Variants in P4HA1 observed in about 807,000 individuals in gnomAD.
P4HA1 encodes prolyl 4-hydroxylase subunit alpha 1.
In P4HA1, 24 loss-of-function variants were observed where a neutral mutation model predicts 72.8. The ratio of observed to expected loss-of-function variants is 0.33; its 90% confidence interval spans 0.24 to 0.46. P4HA1 has a LOEUF of 0.46. Ranked by LOEUF, P4HA1 falls within the 20% of genes least tolerant of loss-of-function variation. The probability of loss-of-function intolerance (pLI) is 1.00; values close to 1 mark genes in which losing one functional copy is unlikely to be tolerated. For synonymous variants in P4HA1, 201 were observed against 218.8 expected, an observed-to-expected ratio of 0.92 and a Z score of 0.72; for missense variants, 446 against 640.6, an observed-to-expected ratio of 0.70 and a Z score of 3.28.
chr10:73,082,011 G>A (rs897444130), intron 1 of P4HA1, among the ~76,000 whole-genome samples: 10 of 152,150 alleles, frequency 6.6e-5, no homozygotes, highest in South Asian at 4.1e-4. Context: ...GCGAGACTCC[G>A]TCTCAAAACA....
chr10:73,076,091 A>G (rs1042565296), intron 1 of P4HA1, among the ~76,000 whole-genome samples: 1 of 152,098 alleles, frequency 6.6e-6, no homozygotes, highest in Non-Finnish European at 1.5e-5. Flanking sequence ...ACATGAATAA[A>G]TAAAATAAAA....
intron 13 of P4HA1, among the ~76,000 whole-genome samples, chr10:73,010,320 T>C (rs764240402): frequency 6.6e-6 from 1 of 152,176 alleles, no homozygotes; most frequent in Non-Finnish European, 1.5e-5. Flanking sequence ...TATAGCAGTA[T>C]TTTATTTTCC....
At chr10:73,029,480 T>C (rs1840380713) in intron 10 of P4HA1, among the ~76,000 whole-genome samples, 1 of 150,730 alleles carries the variant, frequency 6.6e-6, no homozygotes, top group Admixed American at 6.6e-5. Context: ...GTTTTTTTAG[T>C]GCACATTTTG....
intron 1 of P4HA1, among the ~76,000 whole-genome samples, chr10:73,096,436 AAC>A (rs1333428864): frequency 6.6e-6 from 1 of 151,492 alleles, no homozygotes. Flanking sequence ...AAAAAAAAGC[AAC>A]AGAGTGATTC....
intron 9 of P4HA1, 46 bp from the exon 10 acceptor site, chr10:73,030,416 A>T (rs1487741595): frequency 1.0e-6 from 1 of 953,762 alleles, no homozygotes; most frequent in African/African-American, 1.6e-5. Context: ...GTTTCATTAC[A>T]TGGAGACTAA....
chr10:73,037,563 ATATATATAT>A (rs1366633891), intron 9 of P4HA1, among the ~76,000 whole-genome samples: 113 of 32,540 alleles, frequency 3.5e-3, no homozygotes, highest in East Asian at 0.014. Flanking sequence ...ATATATATAT[ATATATATAT>A]TTTTTTTTTT....
chr10:73,038,687 C>T lies in P4HA1; in HGVS notation c.1148+6294G>A, dbSNP rs1005319693. Among the ~76,000 whole-genome samples, 12 of 93,990 alleles carry T rather than the reference C, an allele frequency of 1.3e-4. 1 individual carries two copies. Among genetic ancestry groups the T allele is most frequent in the African/African-American group, 7.7e-4 (11 of 14,280 alleles). 61.7% of individuals were successfully genotyped at this position (93,990 alleles called of 152,430 possible). A position where few individuals can be genotyped will look rare whatever the true frequency, so the allele number is the denominator to read the frequency against. On this transcript the variant is annotated intron_variant, in intron 9 of 14. Coordinates refer to ENST00000394890, the MANE Select transcript of P4HA1 (RefSeq NM_001017962.3). ...TGTCGCCCAGGCTGGAGTGCAGTGG[C>T]GGGATCTCGGCTCACTGCAAGCTCC...
At position 73,047,063 on chromosome 10, in the gene P4HA1, A is replaced by G; in HGVS notation, c.939T>C (p.His313=). 1 of 1,613,854 alleles carries G rather than the reference A, an allele frequency of 6.2e-7. No individual in the cohort carries two copies. Among genetic ancestry groups the G allele is most frequent in the South Asian group, 1.1e-5 (1 of 91,068 alleles). ...RRQKKLFCRY[H]DGNRNPKFIL... is the part of the protein sequence containing the mutation. ...TAAATTTAGGATTACGGTTTCCATC[A>G]TGGTAGCGGCAAAAGAGTTTTTTCT... Residue 313 remains histidine (H), a synonymous_variant, in exon 8 of 15, where the codon CAT becomes CAC. Coordinates refer to ENST00000394890, the MANE Select transcript of P4HA1 (RefSeq NM_001017962.3).
intron 12 of P4HA1, among the ~76,000 whole-genome samples, chr10:73,011,852 T>C (rs891003911): frequency 6.6e-6 from 1 of 152,090 alleles, no homozygotes; most frequent in African/African-American, 2.4e-5. Flanking sequence ...CAGGATATGA[T>C]CTTAGTATGA....
At chr10:73,015,435 A>C (rs1156859407) in intron 11 of P4HA1, among the ~76,000 whole-genome samples, 1 of 152,204 alleles carries the variant, frequency 6.6e-6, no homozygotes, top group Non-Finnish European at 1.5e-5. Context: ...TCTGAAGTTC[A>C]AAACTTTTAG....
intron 4 of P4HA1, among the ~76,000 whole-genome samples, chr10:73,069,803 A>ACTGTTTTG (rs1250433635): frequency 6.7e-6 from 1 of 148,330 alleles, no homozygotes; most frequent in East Asian, 1.9e-4. Flanking sequence ...CTTATAATCA[A>ACTGTTTTG]CTGTTTTGTT....
At chr10:73,025,400 T>C (rs1840242276) in intron 10 of P4HA1, among the ~76,000 whole-genome samples, 1 of 152,168 alleles carries the variant, frequency 6.6e-6, no homozygotes, top group African/African-American at 2.4e-5. Context: ...GAAAAGGCCT[T>C]TGACAAAATT....
At chr10:73,052,270 GTAAC>G (rs762035398) in intron 6 of P4HA1, among the ~76,000 whole-genome samples, 4 of 151,780 alleles carry the variant, frequency 2.6e-5, no homozygotes, top group Admixed American at 6.6e-5. Context: ...ACTTGTGACA[GTAAC>G]TAAGTGTTTA....
chr10:73,025,012 G>T (rs957812123), intron 10 of P4HA1, among the ~76,000 whole-genome samples: 1 of 152,156 alleles, frequency 6.6e-6, no homozygotes, highest in African/African-American at 2.4e-5. Context: ...ACTAAAAAAA[G>T]TTCAGGACCA....
At chr10:73,061,626 G>A (rs1045587847) in intron 5 of P4HA1, among the ~76,000 whole-genome samples, 2 of 152,038 alleles carry the variant, frequency 1.3e-5, no homozygotes, top group African/African-American at 2.4e-5. Context: ...CCAGCTGGGC[G>A]CAGGTGACTT....
intron 1 of P4HA1, among the ~76,000 whole-genome samples, chr10:73,090,181 G>A (rs1034093404): frequency 1.3e-5 from 2 of 151,828 alleles, no homozygotes; most frequent in African/African-American, 2.4e-5. Context: ...CACCAGGCTG[G>A]AGTACAGTAG....
intron 8 of P4HA1, among the ~76,000 whole-genome samples, chr10:73,045,775 T>C (rs569051437): frequency 2.3e-4 from 35 of 152,010 alleles, no homozygotes; most frequent in African/African-American, 8.4e-4. Context: ...AGAATATAAC[T>C]TGATCTCCAA....
At chr10:73,079,096 G>A (rs1171872586) in intron 1 of P4HA1, among the ~76,000 whole-genome samples, 1 of 152,172 alleles carries the variant, frequency 6.6e-6, no homozygotes, top group Non-Finnish European at 1.5e-5. Flanking sequence ...AATAATATAA[G>A]GTTTTGAGCA....
At chr10:73,051,470 C>T (rs1021861841) in intron 6 of P4HA1, among the ~76,000 whole-genome samples, 1 of 152,122 alleles carries the variant, frequency 6.6e-6, no homozygotes, top group Non-Finnish European at 1.5e-5. Context: ...TATATAAAAA[C>T]AGTTCTGGGC....
Sources: gnomAD v4.1 joint callset for allele counts (sites outside exome capture counted in the v4.1 genomes callset) on GRCh38, gnomAD v4.1.1 for gene constraint, MANE v1.5 for transcripts, NCBI Gene and HGNC (gene_info 2026-07-23, HGNC 2026-07-21) for gene names.